Variants in ZNF224 observed in about 807,000 individuals in gnomAD.
ZNF224 encodes the protein zinc finger protein 224, also known as bone marrow zinc finger 2.
ZNF224 carries 8 observed loss-of-function variants against 10.5 expected under a neutral mutation model. The ratio of observed to expected loss-of-function variants is 0.76; its 90% CI spans 0.45 to 1.37. The LOEUF (loss-of-function observed/expected upper bound fraction) is 1.37, where lower values mean the gene tolerates loss of function less well. Among genes scored for constraint, ZNF224 ranks in the 40% most tolerant of loss-of-function variants. ZNF224 has a pLI of 0.00. For missense variants in ZNF224, 754 were observed against 854.0 expected (o/e 0.88, Z 1.46); for synonymous variants, 282 against 287.8 (o/e 0.98, Z 0.20).
Position 44,109,615 on chromosome 19 carries a change from C to CA in ZNF224, c.*1336dup, listed in dbSNP as rs1009732124. 6.6e-6 allele frequency: 1 copy of CA among 152,014 alleles called. No individual in the cohort carries two copies. The highest frequency in any genetic ancestry group is 2.4e-5 in the African/African-American group (1 of 41,396). 9.4% of individuals were successfully genotyped at this position (152,014 alleles called of 1,614,324 possible). A position where few individuals can be genotyped will look rare whatever the true frequency, so the allele number is the denominator to read the frequency against. On this transcript the variant is annotated 3_prime_UTR_variant, in exon 6 of 6. Transcript: ENST00000693561. ...AACTATGCCTATGACACTAAAACTC[C>CA]AAAAAGTAGAAGACCACATTGATGA...
Position 44,107,032 on chromosome 19 carries a change from A to G in ZNF224, c.872A>G (p.Asp291Gly). 1 of 1,605,088 alleles carries G rather than the reference A, an allele frequency of 6.2e-7. No homozygotes were observed. The highest frequency in any genetic ancestry group is 1.7e-5 in the Admixed American group (1 of 59,498). ...ACGGGGGAGAAGCCATTCAAATGTGATATATGTGGTAAGAGCTTCTGTGGT... is the reference window on the plus strand; with the variant it reads ...ACGGGGGAGAAGCCATTCAAATGTGGTATATGTGGTAAGAGCTTCTGTGGT... ...IHTGEKPFKC[D>G]ICGKSFCGRS... The change falls in exon 6 of 6, where the codon GAT becomes GGT. Residue 291 changes from aspartate to glycine, a missense_variant. Transcript: ENST00000693561.
chr19:44,100,402 G>C (rs567112874), intron 3 of ZNF224, among the ~76,000 whole-genome samples: 21 of 152,264 alleles, frequency 1.4e-4, no homozygotes, highest in African/African-American at 4.8e-4. Flanking sequence ...TAACATCCAG[G>C]GTTCGAGTTT....
rs756942751 is a variant in ZNF224 at position 44,108,222 on chromosome 19, T to G, written c.2062T>G (p.Cys688Gly). The change falls in exon 6 of 6, where the codon TGC becomes GGC. Residue 688 changes from cysteine (C) to glycine (G), a missense_variant. Physicochemically the swap from Cys to Gly is radical, Grantham distance 159 (BLOSUM62 -3). Transcript: ENST00000693561. ...KTWKCRECDM[C>G]FSQASSLRLH... ...ATGGAAGTGTAGGGAGTGTGATATG[T>G]GCTTTAGTCAGGCCTCAAGCCTTCG... 1.2e-6 allele frequency: 2 copies of G among 1,614,028 alleles called. No individual in the cohort carries two copies. Among genetic ancestry groups the G allele is most frequent in the Admixed American group, 3.3e-5 (2 of 60,004 alleles).
chr19:44,097,745 TG>T (rs1356539269), intron 2 of ZNF224, 60 bp from the exon 3 acceptor site: 4 of 938,636 alleles, frequency 4.3e-6, no homozygotes, highest in Non-Finnish European at 5.1e-6. Context: ...TCCCTGTTGG[TG>T]GGTGGCATCC....
In ZNF224 at chr19:44,097,424, G is replaced by A. The variant is rs111517972; in HGVS notation, c.-68-382G>A. On this transcript the variant is annotated intron_variant, in intron 2 of 5. Coordinates refer to ENST00000693561, the MANE Select transcript of ZNF224 (RefSeq NM_001321645.3). Reference sequence around the variant, plus strand: ...TATGGTTAGACTTCATTCTCACTCAGATCTGAAGCAATCACTAATCAGTTT... The same window carrying A: ...TATGGTTAGACTTCATTCTCACTCAAATCTGAAGCAATCACTAATCAGTTT... 8.2e-3 allele frequency among the ~76,000 whole-genome samples: 1,242 copies of A among 152,198 alleles called. 24 individuals are homozygous for A. Among genetic ancestry groups the A allele is most frequent in the African/African-American group, 0.029 (1,191 of 41,510 alleles).
rs892317299 is a variant in ZNF224 at position 44,107,701 on chromosome 19, G to A, written c.1541G>A (p.Cys514Tyr). 5 of 1,613,892 alleles carry A rather than the reference G, an allele frequency of 3.1e-6. No homozygotes were observed. Among genetic ancestry groups the A allele is most frequent in the African/African-American group, 1.3e-5 (1 of 74,832 alleles). The change falls in exon 6 of 6, where the codon TGT becomes TAT. Residue 514 changes from cysteine to tyrosine, a missense_variant. Transcript: ENST00000693561. ...CACACTGGAGAAAAGCCATACAAAT[G>A]TGAGAAGTGTGGAAAGGGCTACAAT... The part of the protein sequence containing the change: ...RVHTGEKPYK[C>Y]EKCGKGYNSK...
rs78968915 is a variant in ZNF224 at position 44,100,200 on chromosome 19, C to T, written c.16-601C>T. 8.2e-3 allele frequency among the ~76,000 whole-genome samples: 1,244 copies of T among 152,280 alleles called. 25 individuals are homozygous for T. The highest frequency in any genetic ancestry group is 0.029 in the African/African-American group (1,192 of 41,530). On this transcript the variant is annotated intron_variant, in intron 3 of 5. Transcript: ENST00000693561. ...AAGTAATGCATTCAGGCCAACTTGT[C>T]CAAGGTCACATGACTGGGAAGGGAC...
chr19:44,100,292 G>A (rs1967520231), intron 3 of ZNF224, among the ~76,000 whole-genome samples: 2 of 152,172 alleles, frequency 1.3e-5, no homozygotes, highest in African/African-American at 4.8e-5. Flanking sequence ...TGCAATTAAT[G>A]TATGTAGTTT....
chr19:44,097,551 G>T (rs1967463572), intron 2 of ZNF224, among the ~76,000 whole-genome samples: 1 of 152,126 alleles, frequency 6.6e-6, no homozygotes, highest in African/African-American at 2.4e-5. Context: ...TGTTTCAAAG[G>T]TTCATGTATG....
Position 44,106,206 on chromosome 19 carries a change from ATTT to A in ZNF224, c.236-188_236-186del, listed in dbSNP as rs761383580. 7.1e-4 allele frequency: 439 copies of A among 617,782 alleles called. 2 individuals are homozygous for A. Among genetic ancestry groups the A allele is most frequent in the Non-Finnish European group, 1.4e-4 (51 of 355,288 alleles). The allele number at this position is 617,782 out of a possible 1,614,324, so 38.3% of individuals were successfully genotyped here. A position where few individuals can be genotyped will look rare whatever the true frequency, so the allele number is the denominator to read the frequency against. On this transcript the variant is annotated intron_variant, in intron 5 of 5. Coordinates refer to ENST00000693561, the MANE Select transcript of ZNF224 (RefSeq NM_001321645.3). ...TTTTCGTCTTTTATTTCTATCAAGT[ATTT>A]TACATATGATACTTGGTTTAGTTCG...
In ZNF224 at chr19:44,107,542, G is replaced by A; in HGVS notation, c.1382G>A (p.Cys461Tyr). ...TGEKLYNCKE[C>Y]GKSFSRAPCL... ...GAGAAACTGTATAATTGTAAGGAAT[G>A]TGGGAAGAGCTTTAGTCGGGCCCCA... Residue 461 changes from cysteine (C) to tyrosine (Y), a missense_variant, in exon 6 of 6, where the codon TGT (cysteine) becomes TAT (tyrosine). Cys to Tyr is a radical substitution (Grantham distance 194). Coordinates refer to ENST00000693561, the MANE Select transcript of ZNF224 (RefSeq NM_001321645.3). 6.2e-7 allele frequency: 1 copy of A among 1,612,590 alleles called. No homozygotes were observed. The highest frequency in any genetic ancestry group is 8.5e-7 in the Non-Finnish European group (1 of 1,179,418).
At chr19:44,100,498 A>C (rs979347698) in intron 3 of ZNF224, among the ~76,000 whole-genome samples, 3 of 152,196 alleles carry the variant, frequency 2.0e-5, no homozygotes, top group African/African-American at 7.2e-5. Flanking sequence ...GATTTATCAA[A>C]ACATATATAT....
intron 5 of ZNF224, among the ~76,000 whole-genome samples, chr19:44,104,318 G>A (rs1967603672): frequency 6.6e-6 from 1 of 152,222 alleles, no homozygotes; most frequent in Non-Finnish European, 1.5e-5. Context: ...ATATTATTGT[G>A]AAGAGTTTAA....
intron 3 of ZNF224, 67 bp downstream of exon 3, chr19:44,097,955 C>T (rs893994661): frequency 3.8e-6 from 6 of 1,581,628 alleles, no homozygotes; most frequent in Non-Finnish European, 5.2e-6. Flanking sequence ...ACAAGTTTTC[C>T]TCTGTCTTGG....
intron 3 of ZNF224, among the ~76,000 whole-genome samples, chr19:44,098,183 G>A (rs1035760930): frequency 6.6e-6 from 1 of 152,114 alleles, no homozygotes; most frequent in Non-Finnish European, 1.5e-5. Flanking sequence ...TCTTCCTCAT[G>A]TGCATTCATA....
rs769121018 is a variant in ZNF224 at position 44,100,886 on chromosome 19, G to A, written c.101G>A (p.Arg34Gln). ...GACCTTGCTCAGAGGAAGCTGTATC[G>A]AGATGTGATGCTGGAGAACTTCAGG... ...LLDLAQRKLY[R>Q]DVMLENFRNL... is the part of the protein sequence containing the mutation. The change falls in exon 4 of 6, where the codon CGA becomes CAA. Residue 34 changes from arginine to glutamine, a missense_variant. By Grantham distance (43) the Arg-to-Gln change is conservative. Coordinates refer to ENST00000693561, the MANE Select transcript of ZNF224 (RefSeq NM_001321645.3). 5.6e-6 allele frequency: 9 copies of A among 1,614,094 alleles called. No individual in the cohort carries two copies. In the East Asian group the frequency reaches 6.7e-5, roughly 12 times the overall value.
rs73558301 is a variant in ZNF224 at position 44,103,817 on chromosome 19, C to T, written c.236-2579C>T. On this transcript the variant is annotated intron_variant, in intron 5 of 5. Coordinates refer to ENST00000693561, the MANE Select transcript of ZNF224 (RefSeq NM_001321645.3). Reference sequence around the variant, plus strand: ...ATGATTCTCATACCTCGGCCTCCCACGTAGCTGGGATTATAGGTGTGCACC... The same window carrying T: ...ATGATTCTCATACCTCGGCCTCCCATGTAGCTGGGATTATAGGTGTGCACC... Among the ~76,000 whole-genome samples, 935 of 152,056 alleles carry T rather than the reference C, an allele frequency of 6.1e-3. 10 individuals are homozygous for T. Among genetic ancestry groups the T allele is most frequent in the African/African-American group, 0.022 (899 of 41,484 alleles).
chr19:44,096,794 A>G (rs950888873), intron 2 of ZNF224, among the ~76,000 whole-genome samples: 2 of 152,146 alleles, frequency 1.3e-5, no homozygotes, highest in Non-Finnish European at 2.9e-5. Context: ...TCTATGCTTG[A>G]TATTTTTGAA....
chr19:44,108,210 G>A lies in ZNF224; in HGVS notation c.2050G>A (p.Glu684Lys). The change falls in exon 6 of 6, where the codon GAG (glutamate) becomes AAG (lysine). Residue 684 changes from glutamate to lysine, a missense_variant. Coordinates refer to ENST00000693561, the MANE Select transcript of ZNF224 (RefSeq NM_001321645.3). ...HMGEKTWKCR[E>K]CDMCFSQASS... is the part of the protein sequence containing the mutation. ...GGGAGAGAAAACATGGAAGTGTAGG[G>A]AGTGTGATATGTGCTTTAGTCAGGC... 1 of 1,614,186 alleles carries A rather than the reference G, an allele frequency of 6.2e-7. No individual in the cohort carries two copies. The highest frequency in any genetic ancestry group is 2.2e-5 in the East Asian group (1 of 44,888).
Sources: allele counts gnomAD v4.1 joint callset (sites outside exome capture counted in the v4.1 genomes callset), GRCh38; gene constraint gnomAD v4.1.1; transcripts MANE v1.5; gene names NCBI Gene and HGNC (gene_info 2026-07-23, HGNC 2026-07-21).